Variants in LAMA5 observed in about 807,000 individuals in gnomAD.
The protein encoded by LAMA5 is laminin subunit alpha 5.
Under a neutral mutation model 433.4 loss-of-function variants are expected in LAMA5, and 260 were observed. The ratio of observed to expected loss-of-function variants is 0.60; its 90% CI spans 0.54 to 0.66. The LOEUF (loss-of-function observed/expected upper bound fraction) is 0.66. LAMA5 is among the 30% of genes least tolerant of loss of function. LAMA5 has a pLI of 0.00. For synonymous variants in LAMA5, 2,620 were observed against 2,226.6 expected, an observed-to-expected ratio of 1.18 and a Z score of -4.97; for missense variants, 5,378 against 5,258.5, an observed-to-expected ratio of 1.02 and a Z score of -0.70.
intron 28 of LAMA5, 49 bp downstream of exon 28, chr20:62,332,323 C>T: frequency 1.5e-6 from 2 of 1,354,308 alleles, no homozygotes; most frequent in African/African-American, 2.8e-5. Context: ...TGTTTCAAAT[C>T]TTCTGAAAGA....
intron 22 of LAMA5, 58 bp from the exon 23 acceptor site, chr20:62,334,097 G>A (rs1391509055): frequency 2.5e-6 from 4 of 1,588,806 alleles, no homozygotes; most frequent in South Asian, 1.1e-5. Context: ...CTGAGGCCTG[G>A]GCCTTCAAGG....
chr20:62,320,318 CA>C (rs60260941), intron 50 of LAMA5, among the ~76,000 whole-genome samples: 8,513 of 51,186 alleles, frequency 0.17, 118 homozygotes, highest in Middle Eastern at 0.24. Flanking sequence ...AACTGTGTCT[CA>C]AAAAAAAAAA....
At position 62,309,706 on chromosome 20, in the gene LAMA5, C is replaced by A. The variant is rs758656514; in HGVS notation, c.10948+10G>T. 1 of 1,576,918 alleles carries A rather than the reference C, an allele frequency of 6.3e-7. No individual in the cohort carries two copies. The highest frequency in any genetic ancestry group is 8.6e-7 in the Non-Finnish European group (1 of 1,164,222). Reference sequence around the variant, plus strand: ...GCAGCTCCCCCACCCTTGATCAAGGCCGCACTCACCAGGCAGGCCCCCGAG... The same window carrying A: ...GCAGCTCCCCCACCCTTGATCAAGGACGCACTCACCAGGCAGGCCCCCGAG... On this transcript the variant is annotated intron_variant, in intron 79 of 79. Transcript: ENST00000252999.
intron 17 of LAMA5, 123 bp from the exon 18 acceptor site, chr20:62,336,568 A>C: frequency 1.8e-6 from 2 of 1,099,266 alleles, no homozygotes; most frequent in East Asian, 2.5e-5. Flanking sequence ...GACTCACAGG[A>C]GTCACCTGCA....
intron 28 of LAMA5, among the ~76,000 whole-genome samples, chr20:62,331,558 G>A (rs1178946293): frequency 1.3e-5 from 2 of 152,042 alleles, no homozygotes; most frequent in Admixed American, 6.5e-5. Flanking sequence ...CTTATCTCGA[G>A]TGCTGCTTGG....
At chr20:62,336,654 C>T (rs2146225665) in intron 17 of LAMA5, 80 bp downstream of exon 17, 1 of 1,523,678 alleles carries the variant, frequency 6.6e-7, no homozygotes, top group East Asian at 2.3e-5. Flanking sequence ...GGCAGGAAGC[C>T]CTGGTCTCAC....
At position 62,319,015 on chromosome 20, in the gene LAMA5, T is replaced by A; in HGVS notation, c.6872-2A>T. 1 of 1,570,736 alleles carries A rather than the reference T, an allele frequency of 6.4e-7. No individual in the cohort carries two copies. Among genetic ancestry groups the A allele is most frequent in the Non-Finnish European group, 8.6e-7 (1 of 1,160,508 alleles). ...GGTGGCCCGTCTGGGACATGAGCTC[T>A]GTGGGGCAGGGGTTCGTCAGAGCCT... On this transcript the variant is annotated splice_acceptor_variant, in intron 51 of 79. Transcript: ENST00000252999. LOFTEE classifies it high-confidence loss of function.
At position 62,338,279 on chromosome 20, in the gene LAMA5, G is replaced by A. The variant is rs752671008; in HGVS notation, c.1709C>T (p.Thr570Ile). Residue 570 changes from threonine to isoleucine, a missense_variant, in exon 13 of 80, where the codon ACA becomes ATA. Physicochemically the swap from Thr to Ile is moderately conservative, Grantham distance 89. Transcript: ENST00000252999. Reference sequence around the variant, plus strand: ...GTAGCCGGGGGCACAGCGATCACATGTGGCCCCCTCGAAGCCCACTCGGCA... The same window carrying A: ...GTAGCCGGGGGCACAGCGATCACATATGGCCCCCTCGAAGCCCACTCGGCA... The part of the protein sequence containing the change: ...CRCRVGFEGA[T>I]CDRCAPGYFH... The A allele has an allele frequency of 6.9e-6, 11 of 1,603,450 alleles. No homozygotes were observed. Among genetic ancestry groups the A allele is most frequent in the South Asian group, 1.1e-5 (1 of 89,738 alleles).
At chr20:62,362,864 G>C (rs1454338415) in intron 1 of LAMA5, among the ~76,000 whole-genome samples, 1 of 144,058 alleles carries the variant, frequency 6.9e-6, no homozygotes, top group African/African-American at 2.8e-5. Flanking sequence ...TGAGCACTAC[G>C]TGGTAAGGGG....
In LAMA5 at chr20:62,312,890, C is replaced by T; in HGVS notation, c.9076G>A (p.Ala3026Thr). ...PPPPLTSASK[A>T]IQVFLLGGSR... ...CCTGGTCCCCACCCTGGCCCTACCGCCTTGCTGGCCGAGGTCAGGGGCGGT... is the reference window on the plus strand; with the variant it reads ...CCTGGTCCCCACCCTGGCCCTACCGTCTTGCTGGCCGAGGTCAGGGGCGGT... Residue 3026 changes from alanine (A) to threonine (T), a missense_variant and splice_region_variant, in exon 66 of 80, where the codon GCG becomes ACG. Coordinates refer to ENST00000252999, the MANE Select transcript of LAMA5 (RefSeq NM_005560.6). The T allele has an allele frequency of 6.3e-7, 1 of 1,587,694 alleles. No individual in the cohort carries two copies. The highest frequency in any genetic ancestry group is 1.1e-5 in the South Asian group (1 of 87,564).
rs766382314 is a variant in LAMA5, at chr20:62,313,195, C to T, written c.8848G>A (p.Gly2950Ser). The change falls in exon 65 of 80, where the codon GGC (glycine) becomes AGC (serine). Residue 2950 changes from glycine to serine, a missense_variant. Transcript: ENST00000252999. ...CTGTCGAAGCTGATGCGGGCGAAGC[C>T]GGTGCCGTCCAGGTAGGAGCCGTCC... is the stretch of plus-strand genomic sequence containing the variant. ...LTDGSYLDGT[G>S]FARISFDSQI... is the part of the protein sequence containing the mutation. 1.6e-5 allele frequency: 25 copies of T among 1,517,778 alleles called. No homozygotes were observed. Among genetic ancestry groups the T allele is most frequent in the Non-Finnish European group, 2.0e-5 (23 of 1,131,538 alleles). The allele number at this position is 1,517,778 out of a possible 1,614,324, so 94.0% of individuals were successfully genotyped here. A position where few individuals can be genotyped will look rare whatever the true frequency, so the allele number is the denominator to read the frequency against.
Position 62,313,657 on chromosome 20 carries a change from T to TAC in LAMA5, c.8648_8649dup (p.Thr2884ValfsTer23), listed in dbSNP as rs1358282159. ...AGGCCGGGCGGGCTCACCGTGAAGG[T>TAC]ACTGGGGTACCCCCCGACGTAGAAG... On this transcript the variant is annotated frameshift_variant, in exon 63 of 80. Transcript: ENST00000252999. LOFTEE classifies it high-confidence loss of function. 1 of 1,612,444 alleles carries TAC rather than the reference T, an allele frequency of 6.2e-7. No individual in the cohort carries two copies. Among genetic ancestry groups the TAC allele is most frequent in the African/African-American group, 1.3e-5 (1 of 74,894 alleles).
chr20:62,320,926 G>T, intron 48 of LAMA5, 36 bp from the exon 49 acceptor site: 1 of 1,588,818 alleles, frequency 6.3e-7, no homozygotes, highest in South Asian at 1.1e-5. Flanking sequence ...CAGTGTCATT[G>T]GGTCAGGCCA....
rs1434979288 is a variant in LAMA5, at chr20:62,310,655, T to G, written c.10446+10A>C. 2 of 1,600,798 alleles carry G rather than the reference T, an allele frequency of 1.2e-6. No individual in the cohort carries two copies. Among genetic ancestry groups the G allele is most frequent in the African/African-American group, 2.7e-5 (2 of 74,858 alleles). On this transcript the variant is annotated intron_variant, in intron 75 of 79. Coordinates refer to ENST00000252999, the MANE Select transcript of LAMA5 (RefSeq NM_005560.6). ...GTGGGGAGTGGGGGCTGGGGCAAGATGGTTCTCACCGGAAGTTTGGAGCTG... is the reference window on the plus strand; with the variant it reads ...GTGGGGAGTGGGGGCTGGGGCAAGAGGGTTCTCACCGGAAGTTTGGAGCTG...
chr20:62,360,906 C>T (rs959782997), intron 2 of LAMA5, among the ~76,000 whole-genome samples: 1 of 152,088 alleles, frequency 6.6e-6, no homozygotes, highest in African/African-American at 2.4e-5. Context: ...GGAGCCCAGG[C>T]TCGTGGGTCC....
In LAMA5 at chr20:62,314,429, G is replaced by C. The variant is rs766668251; in HGVS notation, c.8379C>G (p.Asp2793Glu). The C allele has an allele frequency of 5.3e-5, 86 of 1,613,296 alleles. No homozygotes were observed. Among genetic ancestry groups the C allele is most frequent in the Non-Finnish European group, 6.9e-5 (81 of 1,179,928 alleles). Reference protein sequence around the residue: ...MYMGSRQATGDYMGVSLRDKK... With the variant: ...MYMGSRQATGEYMGVSLRDKK... ...TGTCACGCAGAGACACACCCATGTAGTCCCCAGTGGCCTGCGGCAGTGACA... is the reference window on the plus strand; with the variant it reads ...TGTCACGCAGAGACACACCCATGTACTCCCCAGTGGCCTGCGGCAGTGACA... The change falls in exon 62 of 80, where the codon GAC becomes GAG. Residue 2793 changes from aspartate (D) to glutamate (E), a missense_variant. Asp to Glu is a conservative substitution (Grantham distance 45). Transcript: ENST00000252999.
intron 11 of LAMA5, 86 bp from the exon 12 acceptor site, chr20:62,338,694 C>T: frequency 1.5e-6 from 2 of 1,336,544 alleles, no homozygotes. Context: ...TCTCCACAAA[C>T]TCATTTTCTT....
chr20:62,365,290 A>G (rs543510747), intron 1 of LAMA5, among the ~76,000 whole-genome samples: 1 of 152,340 alleles, frequency 6.6e-6, no homozygotes, highest in South Asian at 2.1e-4. Flanking sequence ...CCTCGGGCCA[A>G]GCTCACAGTC....
chr20:62,333,604 C>T lies in LAMA5; in HGVS notation c.2981G>A (p.Gly994Asp). The change falls in exon 24 of 80, where the codon GGC becomes GAC. Residue 994 changes from glycine to aspartate, a missense_variant. Physicochemically the swap from Gly to Asp is moderately conservative, Grantham distance 94. Coordinates refer to ENST00000252999, the MANE Select transcript of LAMA5 (RefSeq NM_005560.6). Reference protein sequence around the residue: ...GFGEPFVLNPGTWALRVEAEG... With the variant: ...GFGEPFVLNPDTWALRVEAEG... The stretch of plus-strand genomic sequence containing the variant: ...GGCCTCCACACGCAGGGCCCAGGTG[C>T]CAGGGTTCAGCACAAAGGGCTCTCC... The T allele has an allele frequency of 1.3e-6, 2 of 1,574,154 alleles. No individual in the cohort carries two copies. The highest frequency in any genetic ancestry group is 1.7e-6 in the Non-Finnish European group (2 of 1,160,232).
Sources: gnomAD v4.1 joint callset for allele counts (sites outside exome capture counted in the v4.1 genomes callset) on GRCh38, gnomAD v4.1.1 for gene constraint, MANE v1.5 for transcripts, NCBI Gene and HGNC (gene_info 2026-07-23, HGNC 2026-07-21) for gene names.